ARAP2: variants seen among roughly 807,000 people sequenced by gnomAD.
ARAP2 encodes arf-GAP with Rho-GAP domain, ANK repeat and PH domain-containing protein 2.
A neutral mutation model predicts 194.5 loss-of-function variants in ARAP2; 148 were observed. That is an observed-to-expected ratio of 0.76 (90% CI 0.67 to 0.87). ARAP2 has a LOEUF of 0.87. Ranked by LOEUF, ARAP2 falls within the 40% of genes least tolerant of loss-of-function variation. The probability of loss-of-function intolerance (pLI) is 0.00; values close to 1 mark genes in which losing one functional copy is unlikely to be tolerated. For missense variants in ARAP2, 2,128 were observed against 1,989.7 expected (o/e 1.07, Z -1.32); for synonymous variants, 695 against 683.5 (o/e 1.02, Z -0.26).
intron 25 of ARAP2, among the ~76,000 whole-genome samples, chr4:36,115,786 A>G (rs971342264): frequency 4.6e-5 from 7 of 151,992 alleles, no homozygotes. Flanking sequence ...GCAGAATCAT[A>G]AGCATTAAAA....
intron 9 of ARAP2, 51 bp from the exon 10 acceptor site, chr4:36,167,098 T>A: frequency 9.3e-7 from 1 of 1,070,410 alleles, no homozygotes; most frequent in Non-Finnish European, 1.3e-6. Flanking sequence ...AAAAAAGATT[T>A]TGAAAGTATA....
chr4:36,010,454 T>G (rs1158865102), intron 9 of ARAP2, among the ~76,000 whole-genome samples: 2 of 152,026 alleles, frequency 1.3e-5, no homozygotes, highest in African/African-American at 2.4e-5. Context: ...ACTGCCTATT[T>G]GTACATTTTA....
rs185708576 is a variant in ARAP2 at position 36,221,477 on chromosome 4, T to C, written c.906-6997A>G. ...CTGATCTGAGATCAAACCTGGGCAG[T>C]CTTGTTCCTCACCCAGGACCTAAGC... On this transcript the variant is annotated intron_variant, in intron 2 of 32. Coordinates refer to ENST00000303965, the MANE Select transcript of ARAP2 (RefSeq NM_015230.4). 9.8e-4 allele frequency among the ~76,000 whole-genome samples: 149 copies of C among 152,210 alleles called. 1 individual carries two copies. The highest frequency in any genetic ancestry group is 3.5e-3 in the African/African-American group (144 of 41,558).
intron 19 of ARAP2, among the ~76,000 whole-genome samples, chr4:36,133,659 T>C (rs1315459700): frequency 6.6e-6 from 1 of 151,806 alleles, no homozygotes; most frequent in African/African-American, 2.4e-5. Flanking sequence ...AAAACCATTG[T>C]GGCTATCACC....
At chr4:36,071,532 CATATGACTTTCA>C (rs1726893573) in intron 32 of ARAP2, among the ~76,000 whole-genome samples, 1 of 152,128 alleles carries the variant, frequency 6.6e-6, no homozygotes, top group Admixed American at 6.6e-5. Flanking sequence ...AAGGTATTCT[CATATGACTTTCA>C]ATAGGACTGA....
At chr4:36,122,515 C>T (rs185337144) in intron 22 of ARAP2, among the ~76,000 whole-genome samples, 1 of 151,734 alleles carries the variant, frequency 6.6e-6, no homozygotes, top group South Asian at 2.1e-4. Flanking sequence ...AACACAGGAA[C>T]AGAAAACCAA....
chr4:36,038,997 G>A lies in ARAP2; in HGVS notation n.607+6982C>T, dbSNP rs541201117. Among the ~76,000 whole-genome samples, 3 of 152,244 alleles carry A rather than the reference G, an allele frequency of 2.0e-5. No individual in the cohort carries two copies. In the South Asian group the frequency reaches 6.2e-4, roughly 32 times the overall value. Reference sequence around the variant, plus strand: ...GAAAATAATGTGGCTAAATGCCTTTGACAAATAGTCATATTATTTAAATAA... The same window carrying A: ...GAAAATAATGTGGCTAAATGCCTTTAACAAATAGTCATATTATTTAAATAA... On this transcript the variant is annotated intron_variant and non_coding_transcript_variant, in intron 5 of 12. Coordinates refer to the ARAP2 transcript ENST00000503225.
At chr4:36,029,298 A>G (rs867268579) in intron 5 of ARAP2, among the ~76,000 whole-genome samples, 3 of 152,020 alleles carry the variant, frequency 2.0e-5, no homozygotes, top group Non-Finnish European at 2.9e-5. Context: ...TTGCTGCACT[A>G]GTACTCATAA....
intron 9 of ARAP2, among the ~76,000 whole-genome samples, chr4:36,008,459 T>C (rs1713772319): frequency 6.6e-6 from 1 of 152,082 alleles, no homozygotes; most frequent in African/African-American, 2.4e-5. Flanking sequence ...TCTTATTCAG[T>C]AAATGCTCCT....
In ARAP2 at chr4:36,073,718, TC is replaced by T; in HGVS notation, c.4713del (p.Asn1572MetfsTer34). ...ATATTTTTCCGGGCCAAGGTTGCAT[TC>T]CCCTCATGCTGTATAGGAATCAGAG... ...GLPLIPIQHE[G>X]NATLARKNIE... On this transcript the variant is annotated frameshift_variant, in exon 32 of 33. Coordinates refer to ENST00000303965, the MANE Select transcript of ARAP2 (RefSeq NM_015230.4). LOFTEE classifies it low-confidence loss of function (END_TRUNC). The T allele has an allele frequency of 1.2e-6, 2 of 1,612,472 alleles. No homozygotes were observed. The highest frequency in any genetic ancestry group is 1.7e-6 in the Non-Finnish European group (2 of 1,178,926).
intron 6 of ARAP2, among the ~76,000 whole-genome samples, chr4:36,202,561 A>T (rs1744600456): frequency 6.6e-6 from 1 of 152,176 alleles, no homozygotes; most frequent in South Asian, 2.1e-4. Context: ...TCAATGATAA[A>T]GCCTGAATTT....
At chr4:36,103,695 A>T (rs1717627905) in intron 27 of ARAP2, among the ~76,000 whole-genome samples, 1 of 151,830 alleles carries the variant, frequency 6.6e-6, no homozygotes, top group Admixed American at 6.6e-5. Context: ...AATAATTTTT[A>T]AGTAGAGGCA....
Position 36,210,681 on chromosome 4 carries a change from C to T in ARAP2, c.1196G>A (p.Arg399Gln), listed in dbSNP as rs34611360. 6.7e-5 allele frequency: 108 copies of T among 1,612,846 alleles called. No homozygotes were observed. The highest frequency in any genetic ancestry group is 1.2e-4 in the African/African-American group (9 of 74,796). ...TATCAAAAAATTGTTTTTGTCCTCT[C>T]GAGGTATCCAAATATCTTCCACCTT... Reference protein sequence around the residue: ...EDKVEDIWIPREDKNNFLIDT... With the variant: ...EDKVEDIWIPQEDKNNFLIDT... The change falls in exon 6 of 33, where the codon CGA (arginine) becomes CAA (glutamine). Residue 399 changes from arginine to glutamine, a missense_variant. Arg to Gln is a conservative substitution (Grantham distance 43). Coordinates refer to ENST00000303965, the MANE Select transcript of ARAP2 (RefSeq NM_015230.4).
At chr4:36,019,947 CTA>C (rs1716606788) in intron 5 of ARAP2, among the ~76,000 whole-genome samples, 1 of 152,112 alleles carries the variant, frequency 6.6e-6, no homozygotes, top group African/African-American at 2.4e-5. Context: ...CCTATATATA[CTA>C]TGTTTTTTTC....
At chr4:36,240,099 G>A (rs573533044) in intron 1 of ARAP2, among the ~76,000 whole-genome samples, 2 of 151,740 alleles carry the variant, frequency 1.3e-5, no homozygotes, top group African/African-American at 4.8e-5. Context: ...ATAAAATGAG[G>A]GTAATATACC....
intron 11 of ARAP2, among the ~76,000 whole-genome samples, chr4:36,163,193 A>C (rs1734486255): frequency 6.6e-6 from 1 of 152,150 alleles, no homozygotes; most frequent in Non-Finnish European, 1.5e-5. Context: ...AAGAGAAGTG[A>C]GAATGTAACC....
At position 36,158,819 on chromosome 4, in the gene ARAP2, T is replaced by A. The variant is rs142143145; in HGVS notation, c.2663A>T (p.Glu888Val). 2.4e-4 allele frequency: 381 copies of A among 1,611,812 alleles called. No individual in the cohort carries two copies. The African/African-American group carries it at 4.8e-3, about 20-fold the overall frequency. Residue 888 changes from glutamate (E) to valine (V), a missense_variant, in exon 15 of 33, where the codon GAG becomes GTG. Transcript: ENST00000303965. ...DIHSEGVLSQ[E>V]SSQSTFLCDF... ...ACAGAGGAATGTGGACTGGGAAGAC[T>A]CTTGACTTAATACACCCTCGGAATG...
intron 19 of ARAP2, among the ~76,000 whole-genome samples, chr4:36,141,302 A>G (rs1256972648): frequency 6.6e-6 from 1 of 151,550 alleles, no homozygotes; most frequent in Non-Finnish European, 1.5e-5. Flanking sequence ...TCCCAATAAC[A>G]ACATCAAATA....
intron 8 of ARAP2, among the ~76,000 whole-genome samples, chr4:36,014,273 GAAAGAAAGAAAGAAAGAAAGAA>G: frequency 7.2e-6 from 1 of 138,572 alleles, no homozygotes; most frequent in Non-Finnish European, 1.6e-5. Flanking sequence ...AAGAAAGAAA[GAAAGAAAGAAAGAAAGAAAGAA>G]AGAAGAGAAG....
Sources: gnomAD v4.1 joint callset for allele counts (sites outside exome capture counted in the v4.1 genomes callset) on GRCh38, gnomAD v4.1.1 for gene constraint, MANE v1.5 for transcripts, NCBI Gene and HGNC (gene_info 2026-07-23, HGNC 2026-07-21) for gene names.